Variants in DLGAP2 observed in about 807,000 individuals in gnomAD.
DLGAP2 encodes the protein disks large-associated protein 2.
In DLGAP2, 26 loss-of-function variants were observed where a neutral mutation model predicts 100.3. That is an observed-to-expected ratio of 0.26 (90% CI 0.19 to 0.36). The LOEUF is 0.36. Ranked by LOEUF, DLGAP2 falls within the 10% of genes least tolerant of loss-of-function variation. DLGAP2 has a pLI of 1.00. For synonymous variants in DLGAP2, 886 were observed against 630.1 expected (o/e 1.41, Z -6.08); for missense variants, 1,858 against 1,453.2 (o/e 1.28, Z -4.53).
At position 1,571,611 on chromosome 8, in the gene DLGAP2, C is replaced by T. The variant is rs566132243; in HGVS notation, c.1442+5717C>T. Reference sequence around the variant, plus strand: ...TGAACTGGAGGGGCATCTTCTGGGACGGAGAGGAGAGAGGGGGTGAACTAT... The same window carrying T: ...TGAACTGGAGGGGCATCTTCTGGGATGGAGAGGAGAGAGGGGGTGAACTAT... On this transcript the variant is annotated intron_variant, in intron 6 of 14. Transcript: ENST00000637795. 1.7e-3 allele frequency among the ~76,000 whole-genome samples: 61 copies of T among 36,770 alleles called. No individual in the cohort carries two copies. In the East Asian group the frequency reaches 0.022, roughly 14 times the overall value. The allele number at this position is 36,770 out of a possible 152,430, so 24.1% of individuals were successfully genotyped here.
At position 1,503,042 on chromosome 8, in the gene DLGAP2, T is replaced by G. The variant is rs1231822632; in HGVS notation, c.172+1611T>G. Among the ~76,000 whole-genome samples the G allele has an allele frequency of 3.3e-5, 5 of 152,280 alleles. No homozygotes were observed. In the East Asian group the frequency reaches 9.6e-4, roughly 29 times the overall value. ...GACTCCGTGGTTGAGAGTTTGTTTG[T>G]TCTGCAGCCACACAAGTGAGCATCG... On this transcript the variant is annotated intron_variant, in intron 4 of 14. Transcript: ENST00000637795.
At chr8:1,432,339 A>T (rs988987120) in intron 3 of DLGAP2, among the ~76,000 whole-genome samples, 1 of 152,236 alleles carries the variant, frequency 6.6e-6, no homozygotes, top group African/African-American at 2.4e-5. Context: ...AAGAAATTCT[A>T]TGCACCTTAA....
intron 2 of DLGAP2, among the ~76,000 whole-genome samples, chr8:1,210,588 C>T (rs1324516818): frequency 1.3e-5 from 2 of 152,196 alleles, no homozygotes; most frequent in Non-Finnish European, 2.9e-5. Flanking sequence ...GTTTCTCTGG[C>T]AGGTGGGGTA....
intron 2 of DLGAP2, among the ~76,000 whole-genome samples, chr8:1,129,584 C>T (rs763575933): frequency 6.6e-6 from 1 of 152,160 alleles, no homozygotes; most frequent in Admixed American, 6.5e-5. Context: ...CCTGCTCCCA[C>T]GAGCCTTGCG....
intron 1 of DLGAP2, among the ~76,000 whole-genome samples, chr8:868,840 C>T (rs958497968): frequency 6.6e-6 from 1 of 152,198 alleles, no homozygotes; most frequent in Non-Finnish European, 1.5e-5. Context: ...AGGCTGGACG[C>T]GTCAGGCAGC....
intron 2 of DLGAP2, among the ~76,000 whole-genome samples, chr8:1,022,670 C>T (rs552864439): frequency 6.6e-6 from 1 of 151,120 alleles, no homozygotes; most frequent in African/African-American, 2.4e-5. Context: ...CGGTCCCGTG[C>T]CGAGGTAGAC....
At chr8:1,050,964 C>A (rs1208137228) in intron 2 of DLGAP2, among the ~76,000 whole-genome samples, 1 of 64,546 alleles carries the variant, frequency 1.5e-5, no homozygotes, top group Non-Finnish European at 3.0e-5. Flanking sequence ...GTGGTGGGGT[C>A]ATTTCGTGGG....
Position 1,546,507 on chromosome 8 carries a change from G to A in DLGAP2, c.173-2119G>A, listed in dbSNP as rs571020469. On this transcript the variant is annotated intron_variant, in intron 4 of 14. Coordinates refer to ENST00000637795, the MANE Select transcript of DLGAP2 (RefSeq NM_001346810.2). ...GCTGGCCCAGACGGCTGGCCGTCCT[G>A]GATCCTGAAATCTGCGACGTTTTGA... Among the ~76,000 whole-genome samples, 11 of 152,330 alleles carry A rather than the reference G, an allele frequency of 7.2e-5. No individual in the cohort carries two copies. The South Asian group carries it at 2.3e-3, about 32-fold the overall frequency.
intron 6 of DLGAP2, among the ~76,000 whole-genome samples, chr8:1,569,149 A>G (rs1802553582): frequency 1.4e-5 from 2 of 147,430 alleles, no homozygotes; most frequent in East Asian, 2.0e-4. Flanking sequence ...CGTGGCCCCC[A>G]TGCCACTGCC....
chr8:824,850 C>A (rs1397331581), intron 1 of DLGAP2, among the ~76,000 whole-genome samples: 1 of 152,170 alleles, frequency 6.6e-6, no homozygotes, highest in Non-Finnish European at 1.5e-5. Flanking sequence ...AGCTCAGCCT[C>A]CAGCCGCAAT....
chr8:1,139,730 C>T (rs905844151), intron 2 of DLGAP2, among the ~76,000 whole-genome samples: 1 of 152,114 alleles, frequency 6.6e-6, no homozygotes, highest in Non-Finnish European at 1.5e-5. Context: ...TATTTCAGGA[C>T]CTTCTTGGAG....
At chr8:757,575 G>T (rs766792801) in intron 1 of DLGAP2, among the ~76,000 whole-genome samples, 6 of 152,186 alleles carry the variant, frequency 3.9e-5, no homozygotes, top group Non-Finnish European at 7.3e-5. Flanking sequence ...ACCCTCCCCT[G>T]TGTCACGTGC....
Position 1,080,821 on chromosome 8 carries a change from G to A in DLGAP2, c.73+172855G>A, listed in dbSNP as rs530376067. On this transcript the variant is annotated intron_variant, in intron 2 of 14. Coordinates refer to ENST00000637795, the MANE Select transcript of DLGAP2 (RefSeq NM_001346810.2). ...ACTAGGTCAGATCCACTCACTCAGC[G>A]CTCTGAGGAGTTGTCCAGGCTACTT... Among the ~76,000 whole-genome samples, 22 of 152,272 alleles carry A rather than the reference G, an allele frequency of 1.4e-4. No homozygotes were observed. In the South Asian group the frequency reaches 2.9e-3, roughly 20 times the overall value.
chr8:1,667,398 T>G (rs4546686), intron 8 of DLGAP2, among the ~76,000 whole-genome samples: 1 of 151,828 alleles, frequency 6.6e-6, no homozygotes, highest in Non-Finnish European at 1.5e-5. Context: ...AACTCGAGTT[T>G]GGGAGGAGAC....
chr8:816,194 A>G (rs1037731142), intron 1 of DLGAP2, among the ~76,000 whole-genome samples: 1 of 151,636 alleles, frequency 6.6e-6, no homozygotes, highest in Non-Finnish European at 1.5e-5. Flanking sequence ...TGGAACATTT[A>G]GTACATTTAC....
At chr8:1,508,067 G>T (rs887122405) in intron 4 of DLGAP2, among the ~76,000 whole-genome samples, 1 of 152,020 alleles carries the variant, frequency 6.6e-6, no homozygotes, top group African/African-American at 2.4e-5. Context: ...AGGGCACACT[G>T]CATTTTAACA....
chr8:1,514,508 G>A (rs773848247), intron 4 of DLGAP2, among the ~76,000 whole-genome samples: 119 of 152,362 alleles, frequency 7.8e-4, no homozygotes, highest in Non-Finnish European at 9.3e-4. Context: ...GAAATAATAT[G>A]AATAGCGTTA....
At chr8:1,217,709 A>G (rs1401014560) in intron 2 of DLGAP2, among the ~76,000 whole-genome samples, 1 of 152,158 alleles carries the variant, frequency 6.6e-6, no homozygotes, top group African/African-American at 2.4e-5. Context: ...GGCTGAACTA[A>G]TTTATATTCC....
chr8:1,229,509 G>A (rs554117494), intron 2 of DLGAP2, among the ~76,000 whole-genome samples: 1 of 151,954 alleles, frequency 6.6e-6, no homozygotes, highest in Non-Finnish European at 1.5e-5. Flanking sequence ...GTTTGTGTGT[G>A]TAGAGGTTTC....
Sources: gnomAD v4.1 joint callset for allele counts (sites outside exome capture counted in the v4.1 genomes callset) on GRCh38, gnomAD v4.1.1 for gene constraint, MANE v1.5 for transcripts, NCBI Gene and HGNC (gene_info 2026-07-23, HGNC 2026-07-21) for gene names.